NUGGC: variants seen among roughly 807,000 people sequenced by gnomAD.
NUGGC encodes nuclear GTPase SLIP-GC.
A neutral mutation model predicts 92.6 loss-of-function variants in NUGGC; 58 were observed. That is an observed-to-expected ratio of 0.63 (90% CI 0.51 to 0.78). The LOEUF is 0.78. NUGGC is among the 30% of genes least tolerant of loss of function. NUGGC has a pLI of 0.00. For missense variants in NUGGC, 925 were observed against 964.6 expected (o/e 0.96, Z 0.54); for synonymous variants, 376 against 366.4 (o/e 1.03, Z -0.30).
intron 1 of NUGGC, among the ~76,000 whole-genome samples, chr8:28,077,460 G>A (rs959145802): frequency 6.6e-6 from 1 of 151,904 alleles, no homozygotes; most frequent in Non-Finnish European, 1.5e-5. Flanking sequence ...CCCACTATTT[G>A]GGAGGCTAAG....
chr8:28,062,108 C>G (rs1351687763), intron 7 of NUGGC, among the ~76,000 whole-genome samples: 1 of 152,160 alleles, frequency 6.6e-6, no homozygotes, highest in Non-Finnish European at 1.5e-5. Context: ...CCTTTTGGCT[C>G]CATACATCAC....
intron 18 of NUGGC, among the ~76,000 whole-genome samples, chr8:28,024,288 A>G (rs970980446): frequency 6.9e-6 from 1 of 144,988 alleles, no homozygotes; most frequent in Non-Finnish European, 1.5e-5. Flanking sequence ...CAGTTGATAC[A>G]CCCGCCTCGG....
Position 28,068,256 on chromosome 8 carries a change from C to T in NUGGC, c.440G>A (p.Cys147Tyr), listed in dbSNP as rs1183014855. The T allele has an allele frequency of 6.4e-7, 1 of 1,550,462 alleles. No individual in the cohort carries two copies. The highest frequency in any genetic ancestry group is 1.4e-5 in the African/African-American group (1 of 72,998). ...SCIVQVSSGC[C>Y]VQYEAKIHLL... ...GTGGATTTTGGCCTCATACTGCACACAGCAGCCAGAGCTCACTTGTACAAT... is the reference window on the plus strand; with the variant it reads ...GTGGATTTTGGCCTCATACTGCACATAGCAGCCAGAGCTCACTTGTACAAT... The change falls in exon 5 of 19, where the codon TGT (cysteine) becomes TAT (tyrosine). Residue 147 changes from cysteine to tyrosine, a missense_variant. Physicochemically the swap from Cys to Tyr is radical, Grantham distance 194. Transcript: ENST00000413272.
At position 28,031,273 on chromosome 8, in the gene NUGGC, A is replaced by T; in HGVS notation, c.1878T>A (p.Asp626Glu). The T allele has an allele frequency of 5.6e-6, 9 of 1,614,026 alleles. No individual in the cohort carries two copies. Among genetic ancestry groups the T allele is most frequent in the Non-Finnish European group, 6.8e-6 (8 of 1,179,876 alleles). Residue 626 changes from aspartate (D) to glutamate (E), a missense_variant, in exon 15 of 19, where the codon GAT becomes GAA. Physicochemically the swap from Asp to Glu is conservative, Grantham distance 45 (BLOSUM62 2). Coordinates refer to ENST00000413272, the MANE Select transcript of NUGGC (RefSeq NM_001010906.2). ...GGATCAGGAAATTTTTTTTGCAGCT[A>T]TCATATTTCCAGCCACTTCTTATCC... ...EIGIRSGWKY[D>E]SCKKNFLIQE...
At chr8:28,072,397 G>A (rs561010427) in intron 2 of NUGGC, among the ~76,000 whole-genome samples, 1 of 152,198 alleles carries the variant, frequency 6.6e-6, no homozygotes, top group East Asian at 1.9e-4. Flanking sequence ...ATCTGTGCTC[G>A]AAAAAGCATC....
At chr8:28,068,961 G>A (rs1365395666) in intron 4 of NUGGC, among the ~76,000 whole-genome samples, 1 of 152,156 alleles carries the variant, frequency 6.6e-6, no homozygotes, top group Non-Finnish European at 1.5e-5. Context: ...CTGCTCTCAA[G>A]TGGTCCACCC....
intron 10 of NUGGC, among the ~76,000 whole-genome samples, chr8:28,053,156 T>G (rs935381688): frequency 1.3e-5 from 2 of 152,138 alleles, no homozygotes; most frequent in Non-Finnish European, 2.9e-5. Flanking sequence ...TTTTCTGTGA[T>G]TAAAACTAAA....
intron 3 of NUGGC, 149 bp from the exon 4 acceptor site, chr8:28,069,801 C>T (rs928308763): frequency 4.8e-5 from 30 of 622,522 alleles, no homozygotes; most frequent in Non-Finnish European, 6.9e-5. Context: ...TTATCTCACA[C>T]GAGGGATGGC....
rs1227889125 is a variant in NUGGC, at chr8:28,067,561, T to C, written c.664A>G (p.Lys222Glu). 6.2e-7 allele frequency: 1 copy of C among 1,613,000 alleles called. No homozygotes were observed. The highest frequency in any genetic ancestry group is 8.5e-7 in the Non-Finnish European group (1 of 1,179,548). Residue 222 changes from lysine to glutamate, a missense_variant, in exon 6 of 19, where the codon AAA becomes GAA. Lys to Glu is a moderately conservative substitution (Grantham distance 56). Transcript: ENST00000413272. The part of the protein sequence containing the change: ...NYEELLRAKP[K>E]RKIPTSRVIT... The stretch of plus-strand genomic sequence containing the variant: ...ACTCTGGAGGTGGGGATCTTCCTTT[T>C]GGGCTTCGCCCTCAGTAACTCCTCA...
chr8:28,064,509 G>A lies in NUGGC; in HGVS notation c.921+13C>T, dbSNP rs1563228169. On this transcript the variant is annotated intron_variant, in intron 7 of 18. Transcript: ENST00000413272. ...TTAGGGAAGAGAGAACTAAACCTACGAAAGACAGTCACCTTTTTCCACATC... is the reference window on the plus strand; with the variant it reads ...TTAGGGAAGAGAGAACTAAACCTACAAAAGACAGTCACCTTTTTCCACATC... The A allele has an allele frequency of 3.7e-6, 6 of 1,612,282 alleles. No individual in the cohort carries two copies. Among genetic ancestry groups the A allele is most frequent in the South Asian group, 3.3e-5 (3 of 91,020 alleles).
At chr8:28,051,751 C>A (rs1459719331) in intron 10 of NUGGC, among the ~76,000 whole-genome samples, 1 of 152,080 alleles carries the variant, frequency 6.6e-6, no homozygotes, top group African/African-American at 2.4e-5. Flanking sequence ...GGAGAAACCC[C>A]GTCTCTACTA....
intron 10 of NUGGC, among the ~76,000 whole-genome samples, chr8:28,054,034 G>T (rs960746948): frequency 3.3e-5 from 5 of 152,188 alleles, no homozygotes; most frequent in African/African-American, 1.2e-4. Context: ...TATAGAGCTG[G>T]TCATCGGCCA....
intron 1 of NUGGC, among the ~76,000 whole-genome samples, chr8:28,078,040 C>T (rs1241771594): frequency 6.6e-6 from 1 of 152,202 alleles, no homozygotes; most frequent in Non-Finnish European, 1.5e-5. Flanking sequence ...CAACAGTACA[C>T]AGTGTCCAGC....
intron 10 of NUGGC, among the ~76,000 whole-genome samples, chr8:28,051,726 C>T (rs1810008083): frequency 6.6e-6 from 1 of 152,110 alleles, no homozygotes; most frequent in Admixed American, 6.6e-5. Flanking sequence ...AGTTTGAGAC[C>T]AGCCTGACCA....
chr8:28,054,438 C>T (rs1304580317), intron 10 of NUGGC, among the ~76,000 whole-genome samples: 1 of 151,794 alleles, frequency 6.6e-6, no homozygotes, highest in Non-Finnish European at 1.5e-5. Flanking sequence ...GCCGAGATTG[C>T]ACCACTGCAC....
chr8:28,064,556 T>G lies in NUGGC; in HGVS notation c.887A>C (p.Asp296Ala). The G allele has an allele frequency of 6.2e-7, 1 of 1,614,048 alleles. No individual in the cohort carries two copies. Among genetic ancestry groups the G allele is most frequent in the Non-Finnish European group, 8.5e-7 (1 of 1,179,896 alleles). ...CATCTCGTCCCTCTTGCTGTTGAAG[T>G]CGCCTGTGCCTGGGATGTCCACCAG... ...VVLVDIPGTG[D>A]FNSKRDEMWK... The change falls in exon 7 of 19, where the codon GAC becomes GCC. Residue 296 changes from aspartate to alanine, a missense_variant. Transcript: ENST00000413272.
Position 28,048,919 on chromosome 8 carries a change from G to C in NUGGC, c.1207-1307C>G, listed in dbSNP as rs181680651. ...GAATTATTTGAGGGAGTCTTTTTTT[G>C]TGCTTAGAAAAACAGTGTCGTGGAG... is the stretch of plus-strand genomic sequence containing the variant. On this transcript the variant is annotated intron_variant, in intron 10 of 18. Transcript: ENST00000413272. Among the ~76,000 whole-genome samples the C allele has an allele frequency of 1.0e-4, 15 of 145,968 alleles. No individual in the cohort carries two copies. The East Asian group carries it at 3.0e-3, about 29-fold the overall frequency.
At chr8:28,058,076 C>T (rs1349940365) in intron 9 of NUGGC, among the ~76,000 whole-genome samples, 182 bp downstream of exon 9, 1 of 151,912 alleles carries the variant, frequency 6.6e-6, no homozygotes, top group African/African-American at 2.4e-5. Context: ...CCTGTAATCC[C>T]AGCTACTCTG....
In NUGGC at chr8:28,023,152, C is replaced by G. The variant is rs558154099; in HGVS notation, c.*165G>C. 4.2e-4 allele frequency: 280 copies of G among 659,422 alleles called. 5 individuals carry two copies. The South Asian group carries it at 6.2e-3, about 15-fold the overall frequency. 40.8% of individuals were successfully genotyped at this position (659,422 alleles called of 1,614,324 possible). ...GCTCTGGAGGCTGAGGCTGGAGGATCGCTTGAGCCTAGGAGTTCGAGGCTG... is the reference window on the plus strand; with the variant it reads ...GCTCTGGAGGCTGAGGCTGGAGGATGGCTTGAGCCTAGGAGTTCGAGGCTG... On this transcript the variant is annotated 3_prime_UTR_variant, in exon 19 of 19. Transcript: ENST00000413272.
Sources: gnomAD v4.1 joint callset for allele counts (sites outside exome capture counted in the v4.1 genomes callset) on GRCh38, gnomAD v4.1.1 for gene constraint, MANE v1.5 for transcripts, NCBI Gene and HGNC (gene_info 2026-07-23, HGNC 2026-07-21) for gene names.